RBMS3: variants seen among roughly 807,000 people sequenced by gnomAD.
RBMS3 encodes RNA-binding motif, single-stranded-interacting protein 3.
In RBMS3, 27 loss-of-function variants were observed where a neutral mutation model predicts 66.8. The ratio of observed to expected loss-of-function variants is 0.40; its 90% confidence interval spans 0.30 to 0.56. The LOEUF is 0.56. RBMS3 is among the 20% of genes least tolerant of loss of function. The probability of loss-of-function intolerance (pLI) is 0.40; values close to 1 mark genes in which losing one functional copy is unlikely to be tolerated. For missense variants in RBMS3, 513 were observed against 549.5 expected, an observed-to-expected ratio of 0.93 and a Z score of 0.66; for synonymous variants, 188 against 183.0, an observed-to-expected ratio of 1.03 and a Z score of -0.22.
At chr3:29,537,982 A>C (rs2045635111) in intron 3 of RBMS3, among the ~76,000 whole-genome samples, 1 of 152,120 alleles carries the variant, frequency 6.6e-6, no homozygotes, top group African/African-American at 2.4e-5. Context: ...ATATATATTT[A>C]AGTTTTGCAA....
At chr3:29,464,840 C>CGTGAT (rs2042484788) in intron 2 of RBMS3, among the ~76,000 whole-genome samples, 1 of 152,126 alleles carries the variant, frequency 6.6e-6, no homozygotes, top group African/African-American at 2.4e-5. Context: ...TTTGTTCCCT[C>CGTGAT]GTGATGTCTT....
At position 29,409,401 on chromosome 3, in the gene RBMS3, C is replaced by A. The variant is rs549113911; in HGVS notation, c.76-25342C>A. 2.6e-5 allele frequency among the ~76,000 whole-genome samples: 4 copies of A among 152,256 alleles called. No homozygotes were observed. In the South Asian group the frequency reaches 8.3e-4, roughly 32 times the overall value. ...TGGCCTCCCTCTCTAGAAGGATATT[C>A]TGGGCCTGAAATGACATATGTTTCA... On this transcript the variant is annotated intron_variant, in intron 1 of 14. Transcript: ENST00000383767.
At chr3:29,648,337 TA>T (rs1472758362) in intron 4 of RBMS3, among the ~76,000 whole-genome samples, 1 of 128,860 alleles carries the variant, frequency 7.8e-6, no homozygotes, top group Non-Finnish European at 1.6e-5. Flanking sequence ...GCATGAACAA[TA>T]ATGGCTCACT....
intron 5 of RBMS3, among the ~76,000 whole-genome samples, chr3:29,751,291 G>C (rs2055170658): frequency 6.6e-6 from 1 of 152,062 alleles, no homozygotes; most frequent in Non-Finnish European, 1.5e-5. Flanking sequence ...AAAACATTAT[G>C]ACCAAATCTG....
chr3:29,883,775 C>T (rs1250746273), intron 7 of RBMS3, among the ~76,000 whole-genome samples: 3 of 151,916 alleles, frequency 2.0e-5, no homozygotes, highest in Non-Finnish European at 4.4e-5. Flanking sequence ...TTTTTAGTAG[C>T]TTTTATTTTT....
In RBMS3 at chr3:29,281,411, G is replaced by C; in HGVS notation, c.-271G>C. On this transcript the variant is annotated 5_prime_UTR_variant, in exon 1 of 15. Transcript: ENST00000383767. The stretch of plus-strand genomic sequence containing the variant: ...CCCAAGTGGACCCCGGCAGCTGGGG[G>C]AAGCCAGGCAAGATCTGGGAAGGCT... 1 of 491,644 alleles carries C rather than the reference G, an allele frequency of 2.0e-6. No homozygotes were observed. The allele number at this position is 491,644 out of a possible 1,614,324, so 30.5% of individuals were successfully genotyped here.
chr3:29,541,901 C>T (rs1410721887), intron 3 of RBMS3, among the ~76,000 whole-genome samples: 2 of 152,166 alleles, frequency 1.3e-5, no homozygotes, highest in Non-Finnish European at 2.9e-5. Context: ...TGCTCCTTCC[C>T]TCTTCTAGGT....
intron 1 of RBMS3, among the ~76,000 whole-genome samples, chr3:29,315,147 A>C (rs778712377): frequency 5.3e-5 from 8 of 151,846 alleles, no homozygotes; most frequent in Non-Finnish European, 1.2e-4. Context: ...ATTATTTATC[A>C]ATAACCTTAA....
In RBMS3 at chr3:29,707,461, A is replaced by G. The variant is rs2052956201; in HGVS notation, c.400-32259A>G. ...TTCCAGACCTGTTAATTTTGAAAAT[A>G]CGGTTCCATGTTAACATGATTTTTC... On this transcript the variant is annotated intron_variant, in intron 4 of 14. Transcript: ENST00000383767. 2.0e-5 allele frequency among the ~76,000 whole-genome samples: 3 copies of G among 152,232 alleles called. No individual in the cohort carries two copies. The South Asian group carries it at 6.2e-4, about 32-fold the overall frequency.
chr3:29,507,162 T>C (rs1235880379), intron 3 of RBMS3, among the ~76,000 whole-genome samples: 1 of 151,890 alleles, frequency 6.6e-6, no homozygotes, highest in Non-Finnish European at 1.5e-5. Flanking sequence ...AGTTTAACAT[T>C]AGGATATCTC....
intron 11 of RBMS3, among the ~76,000 whole-genome samples, chr3:29,938,846 AC>A (rs1172089437): frequency 6.6e-6 from 1 of 151,946 alleles, no homozygotes; most frequent in African/African-American, 2.4e-5. Flanking sequence ...AGGTTACTTA[AC>A]CTCTCAGAAC....
chr3:29,872,702 G>C (rs749524274), intron 7 of RBMS3, among the ~76,000 whole-genome samples: 1 of 152,084 alleles, frequency 6.6e-6, no homozygotes, highest in South Asian at 2.1e-4. Context: ...CTTCCTCCCC[G>C]GTGCCTCCTC....
At chr3:29,996,833 C>T (rs1299509145) in intron 14 of RBMS3, among the ~76,000 whole-genome samples, 2 of 152,052 alleles carry the variant, frequency 1.3e-5, no homozygotes, top group Non-Finnish European at 2.9e-5. Flanking sequence ...CTAAAATTGA[C>T]ACCCTAATAT....
In RBMS3 at chr3:29,991,227, T is replaced by C; in HGVS notation, c.1307+18T>C. ...CAGTCTAAGTAAGTCTGGGCTGTGC[T>C]AAGCTCTTTTCCTCAAGATCAGCCA... On this transcript the variant is annotated intron_variant, in intron 14 of 14. Coordinates refer to ENST00000383767, the MANE Select transcript of RBMS3 (RefSeq NM_001003793.3). 1.2e-6 allele frequency: 2 copies of C among 1,613,976 alleles called. No individual in the cohort carries two copies. Among genetic ancestry groups the C allele is most frequent in the Non-Finnish European group, 1.7e-6 (2 of 1,179,940 alleles).
chr3:29,558,262 A>C (rs2046426817), intron 3 of RBMS3, among the ~76,000 whole-genome samples: 1 of 152,154 alleles, frequency 6.6e-6, no homozygotes, highest in Non-Finnish European at 1.5e-5. Context: ...CTGGAAAGAA[A>C]CTAGATTAAC....
intron 14 of RBMS3, among the ~76,000 whole-genome samples, chr3:29,997,092 A>G (rs1035742513): frequency 5.3e-5 from 8 of 151,648 alleles, no homozygotes; most frequent in Non-Finnish European, 1.0e-4. Context: ...GGATATCACC[A>G]CCGATCCCAC....
intron 8 of RBMS3, among the ~76,000 whole-genome samples, chr3:29,896,811 A>G (rs998766417): frequency 6.6e-6 from 1 of 151,620 alleles, no homozygotes; most frequent in African/African-American, 2.4e-5. Context: ...AGCCTATCAC[A>G]TAGGTTCAGT....
At chr3:29,801,272 C>CTTTTTTTTTTT (rs200997680) in intron 6 of RBMS3, among the ~76,000 whole-genome samples, 7,186 of 128,650 alleles carry the variant, frequency 0.056, 355 homozygotes, top group Non-Finnish European at 0.068. Context: ...TGCTTTTTTT[C>CTTTTTTTTTTT]TTTTTTTTTT....
intron 12 of RBMS3, among the ~76,000 whole-genome samples, chr3:29,952,373 G>T (rs1281385324): frequency 6.6e-6 from 1 of 151,668 alleles, no homozygotes; most frequent in Non-Finnish European, 1.5e-5. Flanking sequence ...TTTTCGTATT[G>T]AAATCACATT....
Sources: gnomAD v4.1 joint callset for allele counts (sites outside exome capture counted in the v4.1 genomes callset) on GRCh38, gnomAD v4.1.1 for gene constraint, MANE v1.5 for transcripts, NCBI Gene and HGNC (gene_info 2026-07-23, HGNC 2026-07-21) for gene names.